ZRANB3: variants seen among roughly 807,000 people sequenced by gnomAD.
The protein encoded by ZRANB3 is zinc finger RANBP2-type containing 3.
Under a neutral mutation model 133.8 loss-of-function variants are expected in ZRANB3, and 125 were observed. The ratio of observed to expected loss-of-function variants is 0.93; its 90% CI spans 0.81 to 1.08. ZRANB3 has a LOEUF of 1.08. Among genes scored for constraint, ZRANB3 ranks in the 50% least tolerant of loss-of-function variants. ZRANB3 has a pLI of 0.00. For synonymous variants in ZRANB3, 387 were observed against 432.7 expected, an observed-to-expected ratio of 0.89 and a Z score of 1.31; for missense variants, 1,229 against 1,275.5, an observed-to-expected ratio of 0.96 and a Z score of 0.56.
At chr2:135,231,371 C>T (rs1695004975) in intron 12 of ZRANB3, among the ~76,000 whole-genome samples, 1 of 152,100 alleles carries the variant, frequency 6.6e-6, no homozygotes, top group Admixed American at 6.6e-5. Flanking sequence ...TATTTCAGGT[C>T]AATCAAGGAC....
chr2:135,386,096 G>A (rs1265606637), intron 3 of ZRANB3, among the ~76,000 whole-genome samples: 2 of 151,900 alleles, frequency 1.3e-5, no homozygotes, highest in Non-Finnish European at 2.9e-5. Flanking sequence ...CTACCCATCT[G>A]AGAAAGGGCT....
chr2:135,517,712 T>G (rs1574243311), intron 1 of ZRANB3, among the ~76,000 whole-genome samples: 2 of 152,036 alleles, frequency 1.3e-5, no homozygotes, highest in South Asian at 4.1e-4. Context: ...TGCTGGGAGG[T>G]GTCTCCCAGT....
In ZRANB3 at chr2:135,465,783, A is replaced by G. The variant is rs144683843; in HGVS notation, c.161+38546T>C. The stretch of plus-strand genomic sequence containing the variant: ...CAATCTATCCATCTAACAAAGGGCC[A>G]ATATCCAGAATCTACGAAGAACTTA... On this transcript the variant is annotated intron_variant, in intron 2 of 20. Coordinates refer to ENST00000264159, the MANE Select transcript of ZRANB3 (RefSeq NM_032143.4). Among the ~76,000 whole-genome samples the G allele has an allele frequency of 1.4e-3, 217 of 152,352 alleles. 1 individual carries two copies. The highest frequency in any genetic ancestry group is 5.0e-3 in the African/African-American group (210 of 41,586).
intron 2 of ZRANB3, among the ~76,000 whole-genome samples, chr2:135,457,350 T>A (rs781616112): frequency 3.3e-5 from 5 of 152,224 alleles, no homozygotes; most frequent in Non-Finnish European, 5.9e-5. Context: ...ATGTGGTAAC[T>A]TTATGCATAC....
Position 135,207,573 on chromosome 2 carries a change from A to C in ZRANB3, c.2870T>G (p.Val957Gly), listed in dbSNP as rs1693925365. The C allele has an allele frequency of 6.2e-7, 1 of 1,613,914 alleles. No individual in the cohort carries two copies. The highest frequency in any genetic ancestry group is 8.5e-7 in the Non-Finnish European group (1 of 1,179,898). Reference protein sequence around the residue: ...RSNNSYLRAKVFETEHGVCQL... With the variant: ...RSNNSYLRAKGFETEHGVCQL... ...ACACACACCATGTTCAGTTTCAAAT[A>C]CTTTGGCTCTCAGGTAACTGTTATT... is the stretch of plus-strand genomic sequence containing the variant. Residue 957 changes from valine (V) to glycine (G), a missense_variant, in exon 19 of 21, where the codon GTA becomes GGA. By Grantham distance (109) the Val-to-Gly change is moderately radical (BLOSUM62 -3). Coordinates refer to ENST00000264159, the MANE Select transcript of ZRANB3 (RefSeq NM_032143.4).
chr2:135,255,195 C>T (rs1679595504), intron 12 of ZRANB3, among the ~76,000 whole-genome samples: 1 of 151,988 alleles, frequency 6.6e-6, no homozygotes, highest in African/African-American at 2.4e-5. Context: ...GTAACACATG[C>T]TAGGTGCCAC....
rs139757083 is a variant in ZRANB3 at position 135,385,329 on chromosome 2, A to G, written c.180+5473T>C. Among the ~76,000 whole-genome samples, 452 of 152,316 alleles carry G rather than the reference A, an allele frequency of 3.0e-3. 3 individuals carry two copies. The highest frequency in any genetic ancestry group is 0.01 in the African/African-American group (421 of 41,564). ...AAGGAGAACTACAAACCACTGCTCA[A>G]TGAAATAAAAGAGGATACAAACAAA... On this transcript the variant is annotated intron_variant, in intron 3 of 20. Transcript: ENST00000264159.
At chr2:135,272,773 C>A (rs1363523514) in intron 9 of ZRANB3, among the ~76,000 whole-genome samples, 1 of 151,868 alleles carries the variant, frequency 6.6e-6, no homozygotes, top group African/African-American at 2.4e-5. Flanking sequence ...ACTGAGGCAC[C>A]CACACACATT....
At chr2:135,472,296 C>T (rs1217156792) in intron 2 of ZRANB3, among the ~76,000 whole-genome samples, 1 of 151,970 alleles carries the variant, frequency 6.6e-6, no homozygotes, top group Non-Finnish European at 1.5e-5. Context: ...GTCAGGAGAT[C>T]GAGACCATCC....
intron 7 of ZRANB3, among the ~76,000 whole-genome samples, chr2:135,315,002 G>A (rs1683185175): frequency 6.6e-6 from 1 of 152,098 alleles, no homozygotes; most frequent in South Asian, 2.1e-4. Flanking sequence ...GCCGACCTCA[G>A]GTGATCTGCC....
chr2:135,334,643 C>T (rs755317751), intron 6 of ZRANB3, among the ~76,000 whole-genome samples: 1 of 151,952 alleles, frequency 6.6e-6, no homozygotes, highest in Non-Finnish European at 1.5e-5. Flanking sequence ...CGTCTATAAT[C>T]CCAGCACTCT....
At chr2:135,399,864 A>G (rs1687658683) in intron 2 of ZRANB3, among the ~76,000 whole-genome samples, 1 of 152,182 alleles carries the variant, frequency 6.6e-6, no homozygotes, top group South Asian at 2.1e-4. Context: ...TAGCTCTTTC[A>G]GTGTATAAGG....
intron 8 of ZRANB3, among the ~76,000 whole-genome samples, chr2:135,304,238 C>G (rs946527176): frequency 6.6e-6 from 1 of 152,142 alleles, no homozygotes; most frequent in African/African-American, 2.4e-5. Flanking sequence ...TGTAAGTTTT[C>G]ATAAATGCCT....
intron 3 of ZRANB3, among the ~76,000 whole-genome samples, chr2:135,368,684 C>A (rs1686041034): frequency 6.6e-6 from 1 of 151,700 alleles, no homozygotes; most frequent in Admixed American, 6.6e-5. Context: ...GAGATGGATA[C>A]CCCATTTACC....
At chr2:135,280,419 T>A (rs1398515901) in intron 8 of ZRANB3, among the ~76,000 whole-genome samples, 1 of 151,958 alleles carries the variant, frequency 6.6e-6, no homozygotes, top group African/African-American at 2.4e-5. Context: ...AATACAAAAT[T>A]AGCCGGGTGT....
chr2:135,417,736 A>G (rs1023843499), intron 2 of ZRANB3, among the ~76,000 whole-genome samples: 1 of 152,234 alleles, frequency 6.6e-6, no homozygotes, highest in Non-Finnish European at 1.5e-5. Context: ...GATAGGCTGG[A>G]TTAAGAAAAT....
Position 135,217,635 on chromosome 2 carries a change from A to C in ZRANB3, c.2353-28T>G, listed in dbSNP as rs368840957. The C allele has an allele frequency of 5.0e-6, 8 of 1,604,154 alleles. No individual in the cohort carries two copies. In the African/African-American group the frequency reaches 1.1e-4, roughly 22 times the overall value. The stretch of plus-strand genomic sequence containing the variant: ...GGCAGAAAATGAGATAATAAGAGTT[A>C]ACAGCTCACAGGCAGATATCTTCCT... On this transcript the variant is annotated intron_variant, in intron 16 of 20. Transcript: ENST00000264159.
In ZRANB3 at chr2:135,417,338, C is replaced by T. The variant is rs543517377; in HGVS notation, c.162-26518G>A. On this transcript the variant is annotated intron_variant, in intron 2 of 20. Transcript: ENST00000264159. ...CACTTCTCAAAAGAAGACATTTATG[C>T]AGCCAAAAGACACATGAAAAAATGC... is the stretch of plus-strand genomic sequence containing the variant. 3.0e-3 allele frequency among the ~76,000 whole-genome samples: 454 copies of T among 152,044 alleles called. 2 individuals carry two copies. The highest frequency in any genetic ancestry group is 0.01 in the African/African-American group (428 of 41,472).
chr2:135,440,435 C>T (rs1166287538), intron 2 of ZRANB3, among the ~76,000 whole-genome samples: 2 of 151,748 alleles, frequency 1.3e-5, no homozygotes, highest in Non-Finnish European at 2.9e-5. Context: ...TTTTCAACTG[C>T]GTGAGGGACC....
Sources: allele counts gnomAD v4.1 joint callset (sites outside exome capture counted in the v4.1 genomes callset), GRCh38; gene constraint gnomAD v4.1.1; transcripts MANE v1.5; gene names NCBI Gene and HGNC (gene_info 2026-07-23, HGNC 2026-07-21).